Variants in LEPR observed in about 807,000 individuals in gnomAD.
LEPR encodes leptin receptor.
LEPR carries 56 observed loss-of-function variants against 114.7 expected under a neutral mutation model. The ratio of observed to expected loss-of-function variants is 0.49; its 90% CI spans 0.39 to 0.61. LEPR has a LOEUF of 0.61. Ranked by LOEUF, LEPR falls within the 20% of genes least tolerant of loss-of-function variation. The probability of loss-of-function intolerance (pLI) is 0.00; values close to 1 mark genes in which losing one functional copy is unlikely to be tolerated. For synonymous variants in LEPR, 443 were observed against 461.4 expected, an observed-to-expected ratio of 0.96 and a Z score of 0.51; for missense variants, 1,202 against 1,352.9, an observed-to-expected ratio of 0.89 and a Z score of 1.75.
intron 2 of LEPR, among the ~76,000 whole-genome samples, chr1:65,533,224 T>C (rs1489279246): frequency 6.6e-6 from 1 of 152,160 alleles, no homozygotes; most frequent in African/African-American, 2.4e-5. Flanking sequence ...TGGAGACAGA[T>C]AGTCATACAT....
intron 2 of LEPR, among the ~76,000 whole-genome samples, chr1:65,524,977 T>C (rs529815527): frequency 6.6e-6 from 1 of 152,136 alleles, no homozygotes; most frequent in Non-Finnish European, 1.5e-5. Flanking sequence ...TGTTCAAGAG[T>C]ACTTTCAAAA....
chr1:65,536,968 A>G (rs1459543682), intron 2 of LEPR, among the ~76,000 whole-genome samples: 1 of 152,174 alleles, frequency 6.6e-6, no homozygotes, highest in East Asian at 1.9e-4. Flanking sequence ...TGATAGGTTA[A>G]AATTGTCCAG....
chr1:65,619,765 T>C (rs1420442319), intron 16 of LEPR, among the ~76,000 whole-genome samples, 163 bp from the exon 17 acceptor site: 1 of 152,208 alleles, frequency 6.6e-6, no homozygotes, highest in Non-Finnish European at 1.5e-5. Flanking sequence ...TAGAAGTGCT[T>C]AAGTTTGTTT....
At chr1:65,433,194 T>C (rs1570439190) in intron 2 of LEPR, 4 of 985,334 alleles carry the variant, frequency 4.1e-6, no homozygotes, top group Non-Finnish European at 4.8e-6. Flanking sequence ...TCAACAGTTC[T>C]GGTTTGCCCT....
intron 2 of LEPR, among the ~76,000 whole-genome samples, chr1:65,485,091 G>A (rs1254657368): frequency 1.3e-5 from 2 of 152,094 alleles, no homozygotes; most frequent in Non-Finnish European, 2.9e-5. Context: ...TTAAATTATT[G>A]GTTGAAATCT....
chr1:65,524,765 C>T (rs1649816460), intron 2 of LEPR, among the ~76,000 whole-genome samples: 3 of 152,172 alleles, frequency 2.0e-5, no homozygotes, highest in East Asian at 1.9e-4. Context: ...TATCACCCAG[C>T]GCTGATGGTA....
chr1:65,593,946 A>G (rs1570772818), intron 6 of LEPR, among the ~76,000 whole-genome samples: 1 of 152,100 alleles, frequency 6.6e-6, no homozygotes, highest in Non-Finnish European at 1.5e-5. Context: ...GTTTTTCAAA[A>G]TGAAGTAGGT....
chr1:65,543,692 G>A (rs1273241852), intron 2 of LEPR, among the ~76,000 whole-genome samples: 8 of 151,974 alleles, frequency 5.3e-5, no homozygotes, highest in Non-Finnish European at 1.0e-4. Context: ...CATATGGCTA[G>A]CCAGCTTTCC....
intron 2 of LEPR, among the ~76,000 whole-genome samples, chr1:65,531,235 T>G (rs1650373582): frequency 6.6e-6 from 1 of 152,220 alleles, no homozygotes; most frequent in Non-Finnish European, 1.5e-5. Flanking sequence ...TCTTTTCATT[T>G]TAGCTTTTCC....
At chr1:65,548,603 CT>C (rs1476733831) in intron 2 of LEPR, among the ~76,000 whole-genome samples, 1 of 152,106 alleles carries the variant, frequency 6.6e-6, no homozygotes, top group African/African-American at 2.4e-5. Flanking sequence ...GGTTTAAAGT[CT>C]GTTTTATCAG....
At chr1:65,634,766 G>C (rs1658656224) in intron 19 of LEPR, 6 of 918,560 alleles carry the variant, frequency 6.5e-6, no homozygotes, top group Non-Finnish European at 7.8e-6. Flanking sequence ...TTAATATGTA[G>C]GTTCATTTAA....
At chr1:65,506,870 A>G (rs1175567453) in intron 2 of LEPR, among the ~76,000 whole-genome samples, 1 of 152,158 alleles carries the variant, frequency 6.6e-6, no homozygotes, top group South Asian at 2.1e-4. Context: ...ATGCTGTCCA[A>G]TAGAACACCA....
At chr1:65,472,923 C>T (rs573188127) in intron 2 of LEPR, among the ~76,000 whole-genome samples, 77 of 152,288 alleles carry the variant, frequency 5.1e-4, no homozygotes, top group African/African-American at 1.8e-3. Flanking sequence ...GCATCTAATT[C>T]AAAAACTCAT....
intron 2 of LEPR, among the ~76,000 whole-genome samples, chr1:65,505,472 C>G (rs12079231): frequency 0.21 from 31,224 of 152,096 alleles, 3,589 homozygotes; most frequent in Middle Eastern, 0.33. Context: ...CTTGTTTGTA[C>G]TCCAGGAGGC....
At chr1:65,495,098 A>G (rs888963615) in intron 2 of LEPR, among the ~76,000 whole-genome samples, 12 of 152,150 alleles carry the variant, frequency 7.9e-5, no homozygotes, top group Non-Finnish European at 1.5e-4. Context: ...TGTACAGCAA[A>G]GGAAACAATC....
chr1:65,443,424 T>A (rs61779772), intron 2 of LEPR, among the ~76,000 whole-genome samples: 41,550 of 150,702 alleles, frequency 0.28, 7,316 homozygotes, highest in Non-Finnish European at 0.39. Flanking sequence ...ATAGGAACAA[T>A]TACATAAATG....
intron 2 of LEPR, among the ~76,000 whole-genome samples, chr1:65,529,787 T>C (rs1650257953): frequency 1.3e-5 from 2 of 152,184 alleles, no homozygotes; most frequent in South Asian, 4.1e-4. Context: ...ATTACTCTGC[T>C]CCTTGAAACA....
intron 5 of LEPR, among the ~76,000 whole-genome samples, chr1:65,587,850 G>GT (rs1261095535): frequency 6.6e-6 from 1 of 151,898 alleles, no homozygotes; most frequent in Admixed American, 6.6e-5. Context: ...TATTTTTCAT[G>GT]TTTTTTATAT....
chr1:65,467,995 C>T (rs1320445067), intron 2 of LEPR, among the ~76,000 whole-genome samples: 3 of 152,216 alleles, frequency 2.0e-5, no homozygotes, highest in Non-Finnish European at 4.4e-5. Flanking sequence ...TTGCGCTTCC[C>T]GGGTGAGGTG....
Sources: gnomAD v4.1 joint callset for allele counts (sites outside exome capture counted in the v4.1 genomes callset) on GRCh38, gnomAD v4.1.1 for gene constraint, MANE v1.5 for transcripts, NCBI Gene and HGNC (gene_info 2026-07-23, HGNC 2026-07-21) for gene names.